INPP4A: variants seen among roughly 807,000 people sequenced by gnomAD.
INPP4A encodes the protein inositol polyphosphate-4-phosphatase, type I, 107kD.
Under a neutral mutation model 119.8 loss-of-function variants are expected in INPP4A, and 33 were observed. The observed-to-expected ratio is 0.28, with a 90% CI of 0.21 to 0.37. The LOEUF (loss-of-function observed/expected upper bound fraction) is 0.37, where lower values mean the gene tolerates loss of function less well. Among genes scored for constraint, INPP4A ranks in the 10% least tolerant of loss-of-function variants. The pLI, the probability that INPP4A is intolerant of heterozygous loss-of-function variation, is 1.00. For missense variants in INPP4A, 956 were observed against 1,289.9 expected (o/e 0.74, Z 3.97); for synonymous variants, 496 against 500.7 (o/e 0.99, Z 0.12).
chr2:98,507,440 G>A (rs1188222538), intron 1 of INPP4A, among the ~76,000 whole-genome samples: 2 of 152,162 alleles, frequency 1.3e-5, no homozygotes, highest in East Asian at 3.9e-4. Context: ...AGAAACACGT[G>A]CTGTAGGGAA....
chr2:98,524,228 A>G (rs75110411), intron 4 of INPP4A, among the ~76,000 whole-genome samples: 3,366 of 152,050 alleles, frequency 0.022, 63 homozygotes, highest in Non-Finnish European at 0.032. Context: ...GTTGAATCAA[A>G]TATATGCAGT....
intron 1 of INPP4A, among the ~76,000 whole-genome samples, chr2:98,497,990 A>G (rs1023667344): frequency 1.3e-5 from 2 of 152,234 alleles, no homozygotes; most frequent in Non-Finnish European, 2.9e-5. Context: ...ACAGGCTCAT[A>G]GGCAGAAGGG....
At position 98,589,747 on chromosome 2, in the gene INPP4A, AGGAGCTTTG is replaced by A; in HGVS notation, c.*2142_*2150del. 1 of 182,260 alleles carries A rather than the reference AGGAGCTTTG, an allele frequency of 5.5e-6. No individual in the cohort carries two copies. The highest frequency in any genetic ancestry group is 1.2e-5 in the Non-Finnish European group (1 of 85,528). 11.3% of individuals were successfully genotyped at this position (182,260 alleles called of 1,614,324 possible). A position where few individuals can be genotyped will look rare whatever the true frequency, so the allele number is the denominator to read the frequency against. ...GAGGCAAGCAGCTCCTCTCTTCTGT[AGGAGCTTTG>A]GGTTTTCAGAGGTGCAGGGAAGGCA... On this transcript the variant is annotated 3_prime_UTR_variant, in exon 25 of 25. Coordinates refer to ENST00000409851, the MANE Select transcript of INPP4A (RefSeq NM_001134225.2).
chr2:98,572,475 C>T lies in INPP4A; in HGVS notation c.2519-340C>T, dbSNP rs141216377. Among the ~76,000 whole-genome samples, 982 of 152,342 alleles carry T rather than the reference C, an allele frequency of 6.4e-3. 17 individuals carry two copies. Among genetic ancestry groups the T allele is most frequent in the African/African-American group, 0.022 (921 of 41,578 alleles). ...ACCCTCGGGAAGTTTTGACGACCAG[C>T]TGGATCCCTCTCACTCCCTCCTAAC... On this transcript the variant is annotated intron_variant, in intron 22 of 24. Coordinates refer to ENST00000409851, the MANE Select transcript of INPP4A (RefSeq NM_001134225.2).
At chr2:98,565,568 C>T (rs1696280545) in intron 19 of INPP4A, 72 bp from the exon 20 acceptor site, 1 of 1,512,024 alleles carries the variant, frequency 6.6e-7, no homozygotes, top group African/African-American at 1.4e-5. Context: ...CTGGGCTTGG[C>T]TGCCTTCTGC....
intron 1 of INPP4A, among the ~76,000 whole-genome samples, chr2:98,479,950 A>G (rs1292032706): frequency 3.3e-5 from 5 of 152,110 alleles, no homozygotes; most frequent in Admixed American, 6.5e-5. Context: ...ACAGGAAGCT[A>G]TTTTCTTAAG....
Position 98,546,102 on chromosome 2 carries a change from A to T in INPP4A, c.1054+29A>T. 1 of 1,466,392 alleles carries T rather than the reference A, an allele frequency of 6.8e-7. No individual in the cohort carries two copies. The highest frequency in any genetic ancestry group is 1.7e-4 in the Middle Eastern group (1 of 5,840). 90.8% of individuals were successfully genotyped at this position (1,466,392 alleles called of 1,614,324 possible). A position where few individuals can be genotyped will look rare whatever the true frequency, so the allele number is the denominator to read the frequency against. The stretch of plus-strand genomic sequence containing the variant: ...CCTATTTTTCTGCTCCCTCTTGTTG[A>T]ATCACATTTCGCTGCTTTTCTCTGT... On this transcript the variant is annotated intron_variant, in intron 12 of 24. Coordinates refer to ENST00000409851, the MANE Select transcript of INPP4A (RefSeq NM_001134225.2). The surrounding 1 kb of genome is among the most constrained non-coding windows in gnomAD (Gnocchi z 4.2).
chr2:98,527,665 A>G (rs1298285385), intron 4 of INPP4A, among the ~76,000 whole-genome samples: 1 of 152,216 alleles, frequency 6.6e-6, no homozygotes, highest in Non-Finnish European at 1.5e-5. Flanking sequence ...AGACAGAGTT[A>G]TAAACTGCCT....
intron 1 of INPP4A, among the ~76,000 whole-genome samples, chr2:98,501,148 C>T (rs1033737118): frequency 2.0e-5 from 3 of 152,150 alleles, no homozygotes; most frequent in Non-Finnish European, 4.4e-5. Flanking sequence ...GAAACCTTGT[C>T]TCTACTAAAA....
intron 24 of INPP4A, chr2:98,581,427 C>A (rs1699287710): frequency 2.4e-6 from 2 of 821,184 alleles, no homozygotes; most frequent in Non-Finnish European, 3.5e-6. Flanking sequence ...ATTGTGACTT[C>A]ATTTCATTTT....
At chr2:98,520,275 C>T in intron 3 of INPP4A, 121 bp downstream of exon 3, 3 of 773,106 alleles carry the variant, frequency 3.9e-6, no homozygotes, top group South Asian at 3.3e-5. Context: ...CTACAGGGTA[C>T]CCTGGTTTGG....
At chr2:98,465,663 C>T (rs1016756037) in intron 1 of INPP4A, among the ~76,000 whole-genome samples, 2 of 152,304 alleles carry the variant, frequency 1.3e-5, no homozygotes, top group Admixed American at 1.3e-4. Context: ...TTTCCTCTCC[C>T]AGACTCTGGG....
chr2:98,488,934 AC>A (rs1558931514), intron 1 of INPP4A, among the ~76,000 whole-genome samples: 1 of 122,088 alleles, frequency 8.2e-6, no homozygotes, highest in Admixed American at 8.6e-5. Flanking sequence ...GAGTACATGC[AC>A]TGTGTGTGTG....
intron 1 of INPP4A, among the ~76,000 whole-genome samples, chr2:98,489,198 G>A (rs1461123004): frequency 6.6e-6 from 1 of 152,074 alleles, no homozygotes; most frequent in Non-Finnish European, 1.5e-5. Context: ...GTGGTACCTG[G>A]AAGGGAGAGA....
intron 1 of INPP4A, among the ~76,000 whole-genome samples, chr2:98,467,361 C>T (rs1675002407): frequency 6.6e-6 from 1 of 152,230 alleles, no homozygotes; most frequent in African/African-American, 2.4e-5. Flanking sequence ...CCTCTTGTGC[C>T]TGTGCCACAC....
At chr2:98,500,001 T>C (rs1180270470) in intron 1 of INPP4A, among the ~76,000 whole-genome samples, 1 of 152,174 alleles carries the variant, frequency 6.6e-6, no homozygotes, top group African/African-American at 2.4e-5. Flanking sequence ...GGCAGACTCA[T>C]ATCTAATTCC....
rs774761280 is a variant in INPP4A at position 98,537,879 on chromosome 2, C to T, written c.484C>T (p.Arg162Cys). 3 of 1,611,600 alleles carry T rather than the reference C, an allele frequency of 1.9e-6. No homozygotes were observed. Among genetic ancestry groups the T allele is most frequent in the South Asian group, 1.1e-5 (1 of 90,482 alleles). ...HLTLRSAESD[R>C]VGNITVIGWQ... Reference sequence around the variant, plus strand: ...GCATCACAGGTCTGCAGAGAGTGACCGTGTAGGTAACATCACCGTGATTGG... The same window carrying T: ...GCATCACAGGTCTGCAGAGAGTGACTGTGTAGGTAACATCACCGTGATTGG... The change falls in exon 8 of 25, where the codon CGT (arginine) becomes TGT (cysteine). Residue 162 changes from arginine to cysteine, a missense_variant. Arg to Cys is a radical substitution (Grantham distance 180, BLOSUM62 -3). Coordinates refer to ENST00000409851, the MANE Select transcript of INPP4A (RefSeq NM_001134225.2).
At chr2:98,586,348 T>A (rs997107792) in intron 24 of INPP4A, among the ~76,000 whole-genome samples, 8 of 151,926 alleles carry the variant, frequency 5.3e-5, no homozygotes, top group East Asian at 3.9e-4. Flanking sequence ...TTTTTTTTTT[T>A]AAATGCGTGA....
chr2:98,544,910 A>G (rs1205578712), intron 11 of INPP4A, among the ~76,000 whole-genome samples: 1 of 152,198 alleles, frequency 6.6e-6, no homozygotes, highest in Non-Finnish European at 1.5e-5. Context: ...AAACGGCAAC[A>G]TTTGCCCAGG....
Sources: gnomAD v4.1 joint callset for allele counts (sites outside exome capture counted in the v4.1 genomes callset) on GRCh38, gnomAD v4.1.1 for gene constraint, Gnocchi (gnomAD v3.1) non-coding constraint, MANE v1.5 for transcripts, NCBI Gene and HGNC (gene_info 2026-07-23, HGNC 2026-07-21) for gene names.